PDE2A: variants seen among roughly 807,000 people sequenced by gnomAD.
The protein encoded by PDE2A is phosphodiesterase 2A.
In PDE2A, 53 loss-of-function variants were observed where a neutral mutation model predicts 133.6. That is an observed-to-expected ratio of 0.40 (90% confidence interval 0.32 to 0.50). PDE2A has a LOEUF of 0.50. PDE2A is among the 20% of genes least tolerant of loss of function. The probability of loss-of-function intolerance (pLI) is 0.73; values close to 1 mark genes in which losing one functional copy is unlikely to be tolerated. For missense variants in PDE2A, 796 were observed against 1,232.4 expected (o/e 0.65, Z 5.30); for synonymous variants, 491 against 490.2 (o/e 1.00, Z -0.02).
chr11:72,660,058 C>T (rs1034486433), intron 1 of PDE2A, among the ~76,000 whole-genome samples: 3 of 152,162 alleles, frequency 2.0e-5, no homozygotes, highest in Non-Finnish European at 4.4e-5. Flanking sequence ...TCTCACACTC[C>T]TATAAGAAGT....
rs755178092 is a variant in PDE2A, at chr11:72,588,799, T to G, written c.1055A>C (p.Lys352Thr). The change falls in exon 13 of 31, where the codon AAG becomes ACG. Residue 352 changes from lysine (K) to threonine (T), a missense_variant. Around this residue, in one of 7 missense-constraint regions of PDE2A, gnomAD observed 417 missense variants for 475.3 expected, o/e 0.88. Coordinates refer to ENST00000334456, the MANE Select transcript of PDE2A (RefSeq NM_002599.5). The stretch of plus-strand genomic sequence containing the variant: ...AAAGACTCACAAGTCTCCTTCTAGC[T>G]TGTTGAAGGCGCAGGCCAAGGCCAC... The part of the protein sequence containing the change: ...QVVALACAFN[K>T]LEGDLFTDED... The G allele has an allele frequency of 1.9e-6, 3 of 1,603,224 alleles. No individual in the cohort carries two copies. In the African/African-American group the frequency reaches 4.0e-5, roughly 21 times the overall value.
intron 2 of PDE2A, among the ~76,000 whole-genome samples, chr11:72,634,979 C>G (rs1272568892): frequency 6.6e-6 from 1 of 152,206 alleles, no homozygotes; most frequent in Non-Finnish European, 1.5e-5. Flanking sequence ...TGTTTTCCCC[C>G]TCAGGCTGTC....
At chr11:72,603,913 C>A (rs1319796076) in intron 4 of PDE2A, among the ~76,000 whole-genome samples, 2 of 152,178 alleles carry the variant, frequency 1.3e-5, no homozygotes, top group South Asian at 4.1e-4. Flanking sequence ...GTTTCCAGCA[C>A]AAGGAGGGGC....
At position 72,584,672 on chromosome 11, in the gene PDE2A, C is replaced by A. The variant is rs1205664830; in HGVS notation, c.1416G>T (p.Thr472=). The change falls in exon 18 of 31, where the codon ACG becomes ACT. Residue 472 remains threonine (T), a synonymous_variant. Transcript: ENST00000334456. ...DQGIAGHVAT[T]GQILNIPDAY... ...CGTCAGGGATGTTCAGGATCTGGCC[C>A]GTGGTCGCCACGTGTCCCGCGATGC... 1 of 1,613,362 alleles carries A rather than the reference C, an allele frequency of 6.2e-7. No individual in the cohort carries two copies. Among genetic ancestry groups the A allele is most frequent in the Non-Finnish European group, 8.5e-7 (1 of 1,180,024 alleles).
At position 72,579,025 on chromosome 11, in the gene PDE2A, T is replaced by G; in HGVS notation, c.2357-16A>C. The G allele has an allele frequency of 6.4e-7, 1 of 1,565,320 alleles. No individual in the cohort carries two copies. The highest frequency in any genetic ancestry group is 8.8e-7 in the Non-Finnish European group (1 of 1,135,954). On this transcript the variant is annotated splice_polypyrimidine_tract_variant and intron_variant, in intron 27 of 30. Transcript: ENST00000334456. ...TCGTAGCCCACTGTTGAGGGGAGGA[T>G]GGGGTCAAGGAGCGGGGCCCAGCCT...
At chr11:72,650,179 G>A (rs1307057594) in intron 1 of PDE2A, among the ~76,000 whole-genome samples, 1 of 151,950 alleles carries the variant, frequency 6.6e-6, no homozygotes, top group African/African-American at 2.4e-5. Context: ...CTGCCATTAC[G>A]CCCGGCTAAT....
At chr11:72,632,557 C>T (rs1858460032) in intron 2 of PDE2A, among the ~76,000 whole-genome samples, 1 of 152,168 alleles carries the variant, frequency 6.6e-6, no homozygotes, top group Non-Finnish European at 1.5e-5. Context: ...CTGTTCCTTC[C>T]CTCTGTGCAA....
chr11:72,582,178 T>C (rs1246111750), intron 21 of PDE2A: 2 of 608,428 alleles, frequency 3.3e-6, no homozygotes, highest in Non-Finnish European at 5.8e-6. Flanking sequence ...AAAAACAGGG[T>C]TGGGAGGGAT....
chr11:72,670,809 C>G (rs577995738), intron 1 of PDE2A, among the ~76,000 whole-genome samples: 4 of 152,066 alleles, frequency 2.6e-5, no homozygotes, highest in Non-Finnish European at 4.4e-5. Flanking sequence ...CTGGGCCCTG[C>G]GGAGAAGACC....
Position 72,596,641 on chromosome 11 carries a change from G to T in PDE2A, c.441C>A (p.Val147=). 6.7e-7 allele frequency: 1 copy of T among 1,499,916 alleles called. No homozygotes were observed. Among genetic ancestry groups the T allele is most frequent in the Non-Finnish European group, 9.0e-7 (1 of 1,116,454 alleles). 92.9% of individuals were successfully genotyped at this position (1,499,916 alleles called of 1,614,324 possible). A position where few individuals can be genotyped will look rare whatever the true frequency, so the allele number is the denominator to read the frequency against. The part of the protein sequence containing the change: ...APLAPDTQVL[V]MPLADKEAGA... The stretch of plus-strand genomic sequence containing the variant: ...CAGCCTCCTTGTCCGCTAGCGGCAT[G>T]ACCAGCACTGAGGGGGAGAGGGCAA... Residue 147 remains valine, a synonymous_variant, in exon 6 of 31, where the codon GTC becomes GTA. Transcript: ENST00000334456.
chr11:72,656,280 G>A (rs189513143), intron 1 of PDE2A, among the ~76,000 whole-genome samples: 3 of 152,288 alleles, frequency 2.0e-5, no homozygotes, highest in Non-Finnish European at 4.4e-5. Flanking sequence ...CAGGACAATG[G>A]GGCTAAAGGT....
intron 2 of PDE2A, among the ~76,000 whole-genome samples, chr11:72,610,744 G>T (rs1857173133): frequency 6.6e-6 from 1 of 152,118 alleles, no homozygotes; most frequent in Non-Finnish European, 1.5e-5. Flanking sequence ...CCTCATCACA[G>T]CACAGACAAC....
intron 20 of PDE2A, 80 bp from the exon 21 acceptor site, chr11:72,582,646 G>A (rs1855775349): frequency 3.5e-6 from 5 of 1,412,494 alleles, no homozygotes; most frequent in Non-Finnish European, 4.8e-6. Context: ...CATGGCAGGT[G>A]GGGGATCCGT....
At chr11:72,589,710 G>T in intron 11 of PDE2A, 41 bp downstream of exon 11, 7 of 1,596,182 alleles carry the variant, frequency 4.4e-6, no homozygotes, top group Non-Finnish European at 6.0e-6. Flanking sequence ...GGCCTCAACC[G>T]CCCCTGCAGA....
chr11:72,667,584 A>T (rs111265212), intron 1 of PDE2A, among the ~76,000 whole-genome samples: 1 of 152,164 alleles, frequency 6.6e-6, no homozygotes, highest in South Asian at 2.1e-4. Context: ...GGCCCTTCAA[A>T]CACAACGAAG....
At position 72,577,381 on chromosome 11, in the gene PDE2A, G is replaced by A; in HGVS notation, c.*3C>T. ...CTGGGCAGGGAAGTGTCCCTGGAGG[G>A]GATCACTCAGCATCAAGGCTGCAGC... On this transcript the variant is annotated 3_prime_UTR_variant, in exon 31 of 31. Transcript: ENST00000334456. The A allele has an allele frequency of 1.1e-5, 18 of 1,610,370 alleles. No individual in the cohort carries two copies. Among genetic ancestry groups the A allele is most frequent in the Non-Finnish European group, 1.5e-5 (18 of 1,177,524 alleles).
chr11:72,578,990 G>A lies in PDE2A; in HGVS notation c.2376C>T (p.Asn792=). ...KMAEVGYDRN[N]KQHHRLLLCL... ...AGAGGAGAAGTCTGTGGTGCTGCTT[G>A]TTGTTTCGGTCGTAGCCCACTGTTG... The change falls in exon 28 of 31, where the codon AAC becomes AAT. Residue 792 remains asparagine, a synonymous_variant. Transcript: ENST00000334456. The surrounding 1 kb of genome is among the most constrained non-coding windows in gnomAD (Gnocchi z 4.2). The A allele has an allele frequency of 6.2e-7, 1 of 1,613,324 alleles. No individual in the cohort carries two copies. The highest frequency in any genetic ancestry group is 1.3e-5 in the African/African-American group (1 of 75,036).
chr11:72,602,758 G>A (rs1004199947), intron 4 of PDE2A, among the ~76,000 whole-genome samples: 5 of 152,192 alleles, frequency 3.3e-5, no homozygotes, highest in Non-Finnish European at 7.3e-5. Flanking sequence ...CCAATAGACC[G>A]GGCCTCAGGT....
In PDE2A at chr11:72,578,511, G is replaced by C; in HGVS notation, c.2473C>G (p.Leu825Val). 6.2e-7 allele frequency: 1 copy of C among 1,612,296 alleles called. No individual in the cohort carries two copies. ...GWKTTRKIAE[L>V]IYKEFFSQGD... ...TGGGAGAAGAATTCTTTGTAGATCA[G>C]CTCCTGAAAGGCCAACACTCTCATC... Residue 825 changes from leucine to valine, a missense_variant, in exon 29 of 31, where the codon CTG (leucine) becomes GTG (valine). Coordinates refer to ENST00000334456, the MANE Select transcript of PDE2A (RefSeq NM_002599.5). The surrounding 1 kb of genome is among the most constrained non-coding windows in gnomAD (Gnocchi z 4.2).
Sources: allele counts gnomAD v4.1 joint callset (sites outside exome capture counted in the v4.1 genomes callset), GRCh38; gene constraint gnomAD v4.1.1; regional missense constraint gnomAD v4.1.1; non-coding constraint Gnocchi (gnomAD v3.1); transcripts MANE v1.5; gene names NCBI Gene and HGNC (gene_info 2026-07-23, HGNC 2026-07-21).